Variants in LRPPRC observed in about 807,000 individuals in gnomAD.
The protein encoded by LRPPRC is leucine-rich PPR motif-containing protein, mitochondrial.
A neutral mutation model predicts 180.3 loss-of-function variants in LRPPRC; 120 were observed. That is an observed-to-expected ratio of 0.67 (90% CI 0.57 to 0.77). The LOEUF (loss-of-function observed/expected upper bound fraction) is 0.77, where lower values mean the gene tolerates loss of function less well. LRPPRC is among the 30% of genes least tolerant of loss of function. LRPPRC has a pLI of 0.00. For synonymous variants in LRPPRC, 723 were observed against 600.0 expected (o/e 1.21, Z -3.00); for missense variants, 2,012 against 1,657.2 (o/e 1.21, Z -3.72).
rs764367774 is a variant in LRPPRC, at chr2:43,934,759, T to G, written c.2624A>C (p.Gln875Pro). 1.9e-6 allele frequency: 3 copies of G among 1,612,876 alleles called. No homozygotes were observed. Among genetic ancestry groups the G allele is most frequent in the Non-Finnish European group, 2.5e-6 (3 of 1,178,964 alleles). The change falls in exon 24 of 38, where the codon CAG (glutamine) becomes CCG (proline). Residue 875 changes from glutamine (Q) to proline (P), a missense_variant. By Grantham distance (76) the Gln-to-Pro change is moderately conservative (BLOSUM62 -1). Coordinates refer to ENST00000260665, the MANE Select transcript of LRPPRC (RefSeq NM_133259.4). Reference protein sequence around the residue: ...LVEKGETDLIQKAMDFVSQEQ... With the variant: ...LVEKGETDLIPKAMDFVSQEQ... ...GATACTAGAAAGTGACTCACCTTTC[T>G]GAATTAGATCAGTCTCGCCTTTCTC...
At chr2:43,968,274 T>G (rs1673647062) in intron 11 of LRPPRC, among the ~76,000 whole-genome samples, 1 of 152,330 alleles carries the variant, frequency 6.6e-6, no homozygotes, top group Admixed American at 6.5e-5. Flanking sequence ...TTACACATAT[T>G]CCTTTGCTAA....
chr2:43,951,070 A>T (rs1672885218), intron 14 of LRPPRC, among the ~76,000 whole-genome samples: 1 of 152,194 alleles, frequency 6.6e-6, no homozygotes, highest in Admixed American at 6.5e-5. Flanking sequence ...TCTCAAAGTG[A>T]CTGCCCACAG....
chr2:43,902,745 G>A (rs1670932238), intron 31 of LRPPRC: 1 of 151,866 alleles, frequency 6.6e-6, no homozygotes, highest in African/African-American at 2.4e-5. Flanking sequence ...ATAAAATTTT[G>A]CTAATGGGTG....
At chr2:43,941,381 T>A (rs1672474770) in intron 23 of LRPPRC, among the ~76,000 whole-genome samples, 1 of 152,216 alleles carries the variant, frequency 6.6e-6, no homozygotes, top group Non-Finnish European at 1.5e-5. Context: ...TGCCTTTGAA[T>A]GAAAGGGTGA....
intron 6 of LRPPRC, among the ~76,000 whole-genome samples, chr2:43,975,502 A>G (rs1674015240): frequency 6.6e-6 from 1 of 152,210 alleles, no homozygotes; most frequent in Non-Finnish European, 1.5e-5. Context: ...TCGAGGTAAG[A>G]ATAACATTTA....
Position 43,976,162 on chromosome 2 carries a change from T to C in LRPPRC, c.718A>G (p.Thr240Ala), listed in dbSNP as rs927392421. 3 of 1,608,588 alleles carry C rather than the reference T, an allele frequency of 1.9e-6. No homozygotes were observed. Among genetic ancestry groups the C allele is most frequent in the Non-Finnish European group, 2.6e-6 (3 of 1,175,058 alleles). Residue 240 changes from threonine to alanine, a missense_variant, in exon 6 of 38, where the codon ACA (threonine) becomes GCA (alanine). Thr to Ala is a moderately conservative substitution (Grantham distance 58). Transcript: ENST00000260665. ...VTEAVFSALV[T>A]GHARAGDMEN... ...CATTACCCAGCTCTGGCATGCCCTGTCACAAGGGCACTGAATACTGCCTCT... is the reference window on the plus strand; with the variant it reads ...CATTACCCAGCTCTGGCATGCCCTGCCACAAGGGCACTGAATACTGCCTCT...
chr2:43,968,633 C>A (rs1035728080), intron 11 of LRPPRC, among the ~76,000 whole-genome samples: 5 of 152,140 alleles, frequency 3.3e-5, no homozygotes, highest in Non-Finnish European at 4.4e-5. Context: ...AAGCTAGACA[C>A]AGAAAGACAA....
At position 43,926,944 on chromosome 2, in the gene LRPPRC, A is replaced by T. The variant is rs150163115; in HGVS notation, c.2737-983T>A. ...TTTATAGTCTCAGTTCAATTAAACAACTGAGACATATGTTATATCCTCAAT... is the reference window on the plus strand; with the variant it reads ...TTTATAGTCTCAGTTCAATTAAACATCTGAGACATATGTTATATCCTCAAT... On this transcript the variant is annotated intron_variant, in intron 25 of 37. Transcript: ENST00000260665. Among the ~76,000 whole-genome samples, 21 of 152,368 alleles carry T rather than the reference A, an allele frequency of 1.4e-4. 1 individual carries two copies. In the East Asian group the frequency reaches 4.0e-3, roughly 29 times the overall value.
At chr2:43,949,255 T>C (rs1672808087) in intron 16 of LRPPRC, among the ~76,000 whole-genome samples, 1 of 152,196 alleles carries the variant, frequency 6.6e-6, no homozygotes, top group South Asian at 2.1e-4. Flanking sequence ...CACAAGAACC[T>C]TCGCTACATT....
intron 37 of LRPPRC, among the ~76,000 whole-genome samples, chr2:43,889,213 G>C (rs1459405906): frequency 6.7e-6 from 1 of 149,310 alleles, no homozygotes; most frequent in Admixed American, 6.7e-5. Context: ...TACTTGGGAG[G>C]CTGAGGCAGG....
rs1670871775 is a variant in LRPPRC at position 43,901,247 on chromosome 2, T to C, written c.3569+73A>G. On this transcript the variant is annotated intron_variant, in intron 32 of 37. Coordinates refer to ENST00000260665, the MANE Select transcript of LRPPRC (RefSeq NM_133259.4). ...AGGTTTCCACATGTCTAAAAAAGTT[T>C]TTAAAAGGTGGTATCTGAGGCAATG... 2.4e-6 allele frequency: 3 copies of C among 1,261,330 alleles called. No individual in the cohort carries two copies. The Admixed American group carries it at 5.1e-5, about 21-fold the overall frequency. The allele number at this position is 1,261,330 out of a possible 1,614,324, so 78.1% of individuals were successfully genotyped here. A position where few individuals can be genotyped will look rare whatever the true frequency, so the allele number is the denominator to read the frequency against.
intron 23 of LRPPRC, among the ~76,000 whole-genome samples, chr2:43,936,929 G>A (rs544572716): frequency 4.6e-5 from 7 of 152,164 alleles, no homozygotes; most frequent in African/African-American, 1.2e-4. Context: ...ACACAGGTTC[G>A]GTTATTGCCT....
chr2:43,966,524 C>T (rs1372632155), intron 11 of LRPPRC, among the ~76,000 whole-genome samples: 1 of 151,688 alleles, frequency 6.6e-6, no homozygotes, highest in Non-Finnish European at 1.5e-5. Flanking sequence ...GATTCTTCTG[C>T]CTCAGGCTCC....
intron 12 of LRPPRC, among the ~76,000 whole-genome samples, chr2:43,963,033 C>T (rs1346453437): frequency 6.6e-6 from 1 of 152,098 alleles, no homozygotes; most frequent in African/African-American, 2.4e-5. Flanking sequence ...TAATTTTTCC[C>T]GATATTGGCA....
At chr2:43,894,781 ATT>A (rs1670621629) in intron 35 of LRPPRC, 152 bp from the exon 36 acceptor site, 1 of 615,176 alleles carries the variant, frequency 1.6e-6, no homozygotes, top group African/African-American at 1.9e-5. Context: ...GTATATTAGC[ATT>A]TGATATTGAC....
At chr2:43,949,906 A>G (rs543855127) in intron 15 of LRPPRC, among the ~76,000 whole-genome samples, 2 of 152,244 alleles carry the variant, frequency 1.3e-5, no homozygotes, top group Non-Finnish European at 2.9e-5. Flanking sequence ...TGTCACACAG[A>G]AAGACTCTAA....
At chr2:43,918,639 A>G (rs1671566408) in intron 27 of LRPPRC, among the ~76,000 whole-genome samples, 1 of 151,730 alleles carries the variant, frequency 6.6e-6, no homozygotes, top group African/African-American at 2.4e-5. Flanking sequence ...CCCCCATCAC[A>G]CTTTATTACA....
At chr2:43,927,091 T>C (rs926159941) in intron 25 of LRPPRC, among the ~76,000 whole-genome samples, 5 of 152,210 alleles carry the variant, frequency 3.3e-5, no homozygotes, top group Non-Finnish European at 7.3e-5. Context: ...CTCTATAGTA[T>C]TTTCATCATC....
intron 15 of LRPPRC, 98 bp downstream of exon 15, chr2:43,950,475 C>T (rs1035412168): frequency 9.8e-6 from 11 of 1,127,058 alleles, no homozygotes; most frequent in Admixed American, 3.5e-5. Context: ...TAGTAGAAAA[C>T]CAAATATAGG....
Sources: allele counts gnomAD v4.1 joint callset (sites outside exome capture counted in the v4.1 genomes callset), GRCh38; gene constraint gnomAD v4.1.1; transcripts MANE v1.5; gene names NCBI Gene and HGNC (gene_info 2026-07-23, HGNC 2026-07-21).